SLC9A3: variants seen among roughly 807,000 people sequenced by gnomAD.
SLC9A3 encodes sodium/hydrogen exchanger 3.
SLC9A3 carries 37 observed loss-of-function variants against 86.8 expected under a neutral mutation model. That is an observed-to-expected ratio of 0.43 (90% confidence interval 0.33 to 0.56). The LOEUF (loss-of-function observed/expected upper bound fraction) is 0.56, where lower values mean the gene tolerates loss of function less well. Among genes scored for constraint, SLC9A3 ranks in the 20% least tolerant of loss-of-function variants. The pLI, the probability that SLC9A3 is intolerant of heterozygous loss-of-function variation, is 0.06. For synonymous variants in SLC9A3, 581 were observed against 528.3 expected (o/e 1.10, Z -1.37); for missense variants, 1,011 against 1,171.9 (o/e 0.86, Z 2.00).
intron 1 of SLC9A3, among the ~76,000 whole-genome samples, chr5:503,804 G>C (rs1165275193): frequency 6.6e-6 from 1 of 152,228 alleles, no homozygotes; most frequent in African/African-American, 2.4e-5. Context: ...CTTGTTCCAT[G>C]AAATGGGCAA....
At chr5:500,860 G>A (rs1441787412) in intron 1 of SLC9A3, among the ~76,000 whole-genome samples, 3 of 151,752 alleles carry the variant, frequency 2.0e-5, no homozygotes, top group Non-Finnish European at 4.4e-5. Context: ...GTGTGGATGG[G>A]GCCAGTGTGG....
At chr5:476,774 T>C in intron 11 of SLC9A3, 102 bp from the exon 12 acceptor site, 1 of 1,438,434 alleles carries the variant, frequency 7.0e-7, no homozygotes, top group Non-Finnish European at 9.5e-7. Context: ...GGCTGCCTCC[T>C]GCGTGCCCCT....
At chr5:482,302 C>T in intron 7 of SLC9A3, 145 bp from the exon 8 acceptor site, 1 of 703,920 alleles carries the variant, frequency 1.4e-6, no homozygotes, top group South Asian at 1.8e-5. Flanking sequence ...CGCGCCCCTG[C>T]TTTGCAGAGG....
chr5:474,024 C>G (rs949593848), intron 16 of SLC9A3, among the ~76,000 whole-genome samples: 1 of 152,218 alleles, frequency 6.6e-6, no homozygotes, highest in African/African-American at 2.4e-5. Flanking sequence ...GCCAGAGTAT[C>G]TCTGTCCGGG....
chr5:512,450 G>A (rs190834520), intron 1 of SLC9A3, among the ~76,000 whole-genome samples: 117 of 151,910 alleles, frequency 7.7e-4, no homozygotes, highest in Admixed American at 1.8e-3. Context: ...TATAAACTGT[G>A]GACCTTAATT....
chr5:488,271 C>T, intron 3 of SLC9A3, 45 bp downstream of exon 3: 1 of 1,602,538 alleles, frequency 6.2e-7, no homozygotes, highest in East Asian at 2.2e-5. Flanking sequence ...GGGGCCCAGG[C>T]CTCCCACGGC....
chr5:484,827 C>A, intron 4 of SLC9A3, 130 bp from the exon 5 acceptor site: 3 of 849,436 alleles, frequency 3.5e-6, no homozygotes, highest in Non-Finnish European at 5.5e-6. Flanking sequence ...TCTTGGAGAT[C>A]GGGCCTGGTC....
At position 472,328 on chromosome 5, in the gene SLC9A3, TG is replaced by T; in HGVS notation, c.*1050del. The T allele has an allele frequency of 3.0e-6, 1 of 337,142 alleles. No homozygotes were observed. Among genetic ancestry groups the T allele is most frequent in the Non-Finnish European group, 5.8e-6 (1 of 172,710 alleles). 20.9% of individuals were successfully genotyped at this position (337,142 alleles called of 1,614,324 possible). A position where few individuals can be genotyped will look rare whatever the true frequency, so the allele number is the denominator to read the frequency against. On this transcript the variant is annotated 3_prime_UTR_variant, in exon 17 of 17. Transcript: ENST00000264938. ...CTCAGCAGGTTCTCCTTGGAGGGCCTGAGCCTGGTAGGGGGGCGGTGCCCTG... is the reference window on the plus strand; with the variant it reads ...CTCAGCAGGTTCTCCTTGGAGGGCCTAGCCTGGTAGGGGGGCGGTGCCCTG...
intron 1 of SLC9A3, among the ~76,000 whole-genome samples, chr5:506,780 A>G (rs568841614): frequency 6.6e-6 from 1 of 152,188 alleles, no homozygotes; most frequent in African/African-American, 2.4e-5. Context: ...TTTTAAAGTT[A>G]TTGGGGGCCG....
At chr5:492,983 C>T (rs1003949965) in intron 1 of SLC9A3, among the ~76,000 whole-genome samples, 1 of 152,206 alleles carries the variant, frequency 6.6e-6, no homozygotes, top group African/African-American at 2.4e-5. Flanking sequence ...CCTGGGGACC[C>T]CCCGTGGAGC....
Position 475,574 on chromosome 5 carries a change from G to A in SLC9A3, c.2238C>T (p.Ser746=), listed in dbSNP as rs754223377. ...CCCCGTCCCCACCTGCAGGGGAGTC[G>A]GACGCTGTGTCCTTGGTGACACTAG... ...FLASVTKDTA[S]DSPAGIDNPV... Residue 746 remains serine, a synonymous_variant, in exon 15 of 17, where the codon TCC becomes TCT. Coordinates refer to ENST00000264938, the MANE Select transcript of SLC9A3 (RefSeq NM_004174.4). 7 of 1,547,424 alleles carry A rather than the reference G, an allele frequency of 4.5e-6. No homozygotes were observed. The highest frequency in any genetic ancestry group is 2.4e-5 in the East Asian group (1 of 41,078).
intron 1 of SLC9A3, among the ~76,000 whole-genome samples, chr5:493,786 C>T (rs994814596): frequency 1.3e-5 from 2 of 152,328 alleles, no homozygotes; most frequent in African/African-American, 2.4e-5. Context: ...CCCGTCCCCA[C>T]CATGTGCCCC....
chr5:515,385 C>G (rs188282187), intron 1 of SLC9A3, among the ~76,000 whole-genome samples: 9 of 152,254 alleles, frequency 5.9e-5, no homozygotes, highest in African/African-American at 1.7e-4. Context: ...GCTCTCCTGA[C>G]TCCACCTGGA....
rs138139869 is a variant in SLC9A3 at position 498,802 on chromosome 5, G to C, written c.212-6731C>G. ...AAGAGTGCCCCTGCTGGCCTCGGCT[G>C]CCTCTCCTGGGGTGTGTCTCCCTGC... is the stretch of plus-strand genomic sequence containing the variant. On this transcript the variant is annotated intron_variant, in intron 1 of 16. Coordinates refer to ENST00000264938, the MANE Select transcript of SLC9A3 (RefSeq NM_004174.4). Among the ~76,000 whole-genome samples the C allele has an allele frequency of 6.1e-3, 931 of 152,346 alleles. 10 individuals carry two copies. The highest frequency in any genetic ancestry group is 0.022 in the African/African-American group (903 of 41,562).
At chr5:510,691 C>A (rs911745203) in intron 1 of SLC9A3, among the ~76,000 whole-genome samples, 3 of 152,212 alleles carry the variant, frequency 2.0e-5, no homozygotes, top group African/African-American at 7.2e-5. Flanking sequence ...CCCAGGCAGG[C>A]GGCCGTGGAT....
chr5:473,378 G>A lies in SLC9A3; in HGVS notation c.*1C>T. 2 of 1,415,442 alleles carry A rather than the reference G, an allele frequency of 1.4e-6. No individual in the cohort carries two copies. The highest frequency in any genetic ancestry group is 1.9e-6 in the Non-Finnish European group (2 of 1,077,298). The allele number at this position is 1,415,442 out of a possible 1,614,324, so 87.7% of individuals were successfully genotyped here. ...CGGTTAGCGGCGTGTCGGAGCCGGT[G>A]TCACCTGCGGGAGAGGAAGGCGTGA... On this transcript the variant is annotated 3_prime_UTR_variant, in exon 17 of 17. Coordinates refer to ENST00000264938, the MANE Select transcript of SLC9A3 (RefSeq NM_004174.4).
At chr5:505,767 G>A (rs1740546311) in intron 1 of SLC9A3, among the ~76,000 whole-genome samples, 1 of 110,752 alleles carries the variant, frequency 9.0e-6, no homozygotes, top group African/African-American at 3.4e-5. Context: ...GACCAAGGTG[G>A]GGAGAGTGGC....
Position 483,389 on chromosome 5 carries a change from C to A in SLC9A3, c.1026G>T (p.Leu342=). The change falls in exon 6 of 17, where the codon CTG becomes CTT. Residue 342 remains leucine (L), a synonymous_variant. Coordinates refer to ENST00000264938, the MANE Select transcript of SLC9A3 (RefSeq NM_004174.4). The part of the protein sequence containing the change: ...ATTVRYTMKM[L]ASSAETIIFM... Reference sequence around the variant, plus strand: ...AGATGATGGTCTCGGCGCTGCTGGCCAGCATCTTCATGGTGTAGCGCACGG... The same window carrying A: ...AGATGATGGTCTCGGCGCTGCTGGCAAGCATCTTCATGGTGTAGCGCACGG... The A allele has an allele frequency of 6.3e-7, 1 of 1,575,568 alleles. No individual in the cohort carries two copies. The highest frequency in any genetic ancestry group is 2.3e-5 in the East Asian group (1 of 42,622).
rs1291002814 is a variant in SLC9A3, at chr5:507,087, AAT to A, written c.212-15018_212-15017del. ...GTGATACTGTCTCAAAAAATAAATAAATAAATAAATAAATAAATAAATAAATA... is the reference window on the plus strand; with the variant it reads ...GTGATACTGTCTCAAAAAATAAATAAAAATAAATAAATAAATAAATAAATA... On this transcript the variant is annotated intron_variant, in intron 1 of 16. Transcript: ENST00000264938. Among the ~76,000 whole-genome samples, 664 of 138,946 alleles carry A rather than the reference AAT, an allele frequency of 4.8e-3. 3 individuals are homozygous for A. Among genetic ancestry groups the A allele is most frequent in the South Asian group, 0.016 (74 of 4,616 alleles). 91.2% of individuals were successfully genotyped at this position (138,946 alleles called of 152,430 possible).
Sources: gnomAD v4.1 joint callset for allele counts (sites outside exome capture counted in the v4.1 genomes callset) on GRCh38, gnomAD v4.1.1 for gene constraint, MANE v1.5 for transcripts, NCBI Gene and HGNC (gene_info 2026-07-23, HGNC 2026-07-21) for gene names.